Variants in MAML2 observed in about 807,000 individuals in gnomAD.
MAML2 encodes the protein mastermind-like protein 2.
MAML2 carries 22 observed loss-of-function variants against 96.1 expected under a neutral mutation model. The observed-to-expected ratio is 0.23, with a 90% CI of 0.16 to 0.33. The LOEUF is 0.33. MAML2 is among the 10% of genes least tolerant of loss of function. The pLI, the probability that MAML2 is intolerant of heterozygous loss-of-function variation, is 1.00. For missense variants in MAML2, 1,367 were observed against 1,392.4 expected, an observed-to-expected ratio of 0.98 and a Z score of 0.29; for synonymous variants, 561 against 521.3, an observed-to-expected ratio of 1.08 and a Z score of -1.04.
At chr11:96,127,360 T>C (rs1261872958) in intron 1 of MAML2, among the ~76,000 whole-genome samples, 2 of 152,320 alleles carry the variant, frequency 1.3e-5, no homozygotes, top group East Asian at 3.9e-4. Flanking sequence ...GAGGCTGTTT[T>C]CACTTAGGAT....
chr11:96,301,815 C>T (rs10466371), intron 1 of MAML2, among the ~76,000 whole-genome samples: 39,234 of 152,070 alleles, frequency 0.26, 5,667 homozygotes, highest in African/African-American at 0.39. Flanking sequence ...TTTACTTATA[C>T]AAATTAATAG....
intron 2 of MAML2, among the ~76,000 whole-genome samples, chr11:96,057,256 T>G (rs1859084554): frequency 6.6e-6 from 1 of 152,192 alleles, no homozygotes. Flanking sequence ...TGAAGTGAGC[T>G]CTCTAGAAGC....
chr11:96,152,914 G>T (rs566424018), intron 1 of MAML2, among the ~76,000 whole-genome samples: 73 of 152,294 alleles, frequency 4.8e-4, no homozygotes, highest in Non-Finnish European at 8.5e-4. Context: ...CAAGGGAAAT[G>T]CTCCATCTAT....
At chr11:96,294,807 A>C (rs1301522257) in intron 1 of MAML2, among the ~76,000 whole-genome samples, 3 of 152,240 alleles carry the variant, frequency 2.0e-5, no homozygotes, top group Admixed American at 2.0e-4. Flanking sequence ...ACAAATGAGT[A>C]AAATGAGGCT....
At chr11:96,083,472 A>G (rs891566596) in intron 2 of MAML2, among the ~76,000 whole-genome samples, 4 of 152,156 alleles carry the variant, frequency 2.6e-5, no homozygotes, top group African/African-American at 7.2e-5. Flanking sequence ...GATTTGATCC[A>G]TGGGGCAGCT....
intron 1 of MAML2, among the ~76,000 whole-genome samples, chr11:96,281,932 C>T (rs1473019953): frequency 6.6e-6 from 1 of 151,950 alleles, no homozygotes; most frequent in Non-Finnish European, 1.5e-5. Flanking sequence ...AAACTACCAT[C>T]ACAAATAAAT....
intron 1 of MAML2, among the ~76,000 whole-genome samples, chr11:96,106,390 T>C (rs1031523103): frequency 1.3e-5 from 2 of 152,232 alleles, no homozygotes; most frequent in African/African-American, 4.8e-5. Flanking sequence ...CTTATGAATT[T>C]CTTGAAGCTT....
intron 2 of MAML2, among the ~76,000 whole-genome samples, chr11:96,068,981 G>T (rs577222376): frequency 7.3e-6 from 1 of 136,780 alleles, no homozygotes; most frequent in African/African-American, 2.8e-5. Flanking sequence ...GAGTGTGGTG[G>T]TGTGATCATA....
chr11:95,983,461 A>G (rs908800851), intron 4 of MAML2, among the ~76,000 whole-genome samples: 1 of 152,134 alleles, frequency 6.6e-6, no homozygotes, highest in Non-Finnish European at 1.5e-5. Flanking sequence ...TTACAGCTAG[A>G]TAGGAGGAAT....
At chr11:96,186,449 C>A (rs889789885) in intron 1 of MAML2, among the ~76,000 whole-genome samples, 1 of 152,058 alleles carries the variant, frequency 6.6e-6, no homozygotes, top group Admixed American at 6.6e-5. Context: ...ATTAGCCAAG[C>A]GTGGTGGTGC....
chr11:96,048,543 C>G (rs1036682014), intron 2 of MAML2, among the ~76,000 whole-genome samples: 1 of 152,020 alleles, frequency 6.6e-6, no homozygotes. Context: ...ATTTATGTGG[C>G]TATTTTCTAA....
Position 96,247,726 on chromosome 11 carries a change from A to G in MAML2, c.513+93657T>C, listed in dbSNP as rs989337008. Among the ~76,000 whole-genome samples the G allele has an allele frequency of 1.6e-4, 24 of 152,220 alleles. No homozygotes were observed. The Middle Eastern group carries it at 0.014, about 86-fold the overall frequency. ...TTCTTCTGGTTCCATTAACTCTTTCATTCTCCTACATGACTACTTCACACC... is the reference window on the plus strand; with the variant it reads ...TTCTTCTGGTTCCATTAACTCTTTCGTTCTCCTACATGACTACTTCACACC... On this transcript the variant is annotated intron_variant, in intron 1 of 4. Transcript: ENST00000524717.
chr11:96,215,207 GT>G (rs774135480), intron 1 of MAML2, among the ~76,000 whole-genome samples: 68 of 152,308 alleles, frequency 4.5e-4, no homozygotes, highest in Non-Finnish European at 7.6e-4. Context: ...GGGGAATGGG[GT>G]AATTCCAACT....
At chr11:96,053,298 C>A (rs1424163698) in intron 2 of MAML2, among the ~76,000 whole-genome samples, 1 of 152,182 alleles carries the variant, frequency 6.6e-6, no homozygotes, top group Non-Finnish European at 1.5e-5. Flanking sequence ...CTAGAGCCTA[C>A]TCAAATGAAA....
rs137976384 is a variant in MAML2 at position 96,298,661 on chromosome 11, A to G, written c.513+42722T>C. Among the ~76,000 whole-genome samples the G allele has an allele frequency of 1.3e-3, 197 of 151,288 alleles. 2 individuals are homozygous for G. Among genetic ancestry groups the G allele is most frequent in the Admixed American group, 0.011 (170 of 15,150 alleles). On this transcript the variant is annotated intron_variant, in intron 1 of 4. Transcript: ENST00000524717. ...ATATCTATACCTACACTATATACAC[A>G]ATATGTATTATATACATTTTTCTAT...
At position 95,977,892 on chromosome 11, in the gene MAML2, A is replaced by G. The variant is rs1857672314; in HGVS notation, c.*1056T>C. ...CGTTCCTTCAAACTCCGTGAAATAC[A>G]TTTGTACACACTGGTACTTGCCATC... On this transcript the variant is annotated 3_prime_UTR_variant, in exon 5 of 5. Transcript: ENST00000524717. 1.3e-5 allele frequency: 3 copies of G among 225,242 alleles called. No individual in the cohort carries two copies. In the East Asian group the frequency reaches 1.9e-4, roughly 14 times the overall value. The allele number at this position is 225,242 out of a possible 1,614,324, so 14.0% of individuals were successfully genotyped here.
At chr11:96,184,562 T>C (rs904874519) in intron 1 of MAML2, among the ~76,000 whole-genome samples, 1 of 151,730 alleles carries the variant, frequency 6.6e-6, no homozygotes, top group Non-Finnish European at 1.5e-5. Flanking sequence ...CCAAATGGAA[T>C]GCAAGCAACT....
rs79703806 is a variant in MAML2, at chr11:96,158,995, G to A, written c.514-65478C>T. On this transcript the variant is annotated intron_variant, in intron 1 of 4. Coordinates refer to ENST00000524717, the MANE Select transcript of MAML2 (RefSeq NM_032427.4). The stretch of plus-strand genomic sequence containing the variant: ...CCTATTAACTAGTGGGGAAAGGGCT[G>A]CTTCTGTTTCTTATGATACAGATTT... 7.2e-3 allele frequency among the ~76,000 whole-genome samples: 1,096 copies of A among 152,288 alleles called. 17 individuals are homozygous for A. Among genetic ancestry groups the A allele is most frequent in the African/African-American group, 0.024 (1,001 of 41,562 alleles).
rs1859741169 is a variant in MAML2 at position 96,092,543 on chromosome 11, G to A, written c.1488C>T (p.Pro496=). Residue 496 remains proline, a synonymous_variant, in exon 2 of 5, where the codon CCC becomes CCT. Coordinates refer to ENST00000524717, the MANE Select transcript of MAML2 (RefSeq NM_032427.4). The surrounding 1 kb of genome is among the most constrained non-coding windows in gnomAD (Gnocchi z 4.1). ...GQQTFSPQSS[P]MPGVAGGSGQ... is the part of the protein sequence containing the mutation. ...CGCTGCCGCCAGCTACCCCAGGCAT[G>A]GGGGAGCTCTGTGGGCTGAATGTCT... 6.3e-7 allele frequency: 1 copy of A among 1,599,736 alleles called. No individual in the cohort carries two copies. The highest frequency in any genetic ancestry group is 8.5e-7 in the Non-Finnish European group (1 of 1,170,808).
Sources: allele counts gnomAD v4.1 joint callset (sites outside exome capture counted in the v4.1 genomes callset), GRCh38; gene constraint gnomAD v4.1.1; non-coding constraint Gnocchi (gnomAD v3.1); transcripts MANE v1.5; gene names NCBI Gene and HGNC (gene_info 2026-07-23, HGNC 2026-07-21).